Variants in ZCCHC8 observed in about 807,000 individuals in gnomAD.
ZCCHC8 encodes zinc finger CCHC-type containing 8.
ZCCHC8 carries 27 observed loss-of-function variants against 70.6 expected under a neutral mutation model. The observed-to-expected ratio is 0.38, with a 90% CI of 0.28 to 0.53. The LOEUF (loss-of-function observed/expected upper bound fraction) is 0.53. ZCCHC8 is among the 20% of genes least tolerant of loss of function. ZCCHC8 has a pLI of 0.81. For missense variants in ZCCHC8, 737 were observed against 876.9 expected, an observed-to-expected ratio of 0.84 and a Z score of 2.01; for synonymous variants, 293 against 317.4, an observed-to-expected ratio of 0.92 and a Z score of 0.82.
intron 7 of ZCCHC8, 44 bp from the exon 8 acceptor site, chr12:122,482,739 T>C (rs569232421): frequency 2.6e-6 from 4 of 1,534,166 alleles, no homozygotes; most frequent in Middle Eastern, 4.0e-4. Flanking sequence ...TCAATAAAAA[T>C]AGAAAAGCAA....
rs189349993 is a variant in ZCCHC8, at chr12:122,498,180, C to T, written c.242+647G>A. On this transcript the variant is annotated intron_variant, in intron 2 of 13. Transcript: ENST00000633063. ...AATCTTTTTTTTTTTTTTTTTCAGA[C>T]GGAGTTTCGCTCTTGTCACTCTCAG... Among the ~76,000 whole-genome samples the T allele has an allele frequency of 7.9e-5, 9 of 114,446 alleles. 1 individual carries two copies. In the South Asian group the frequency reaches 1.6e-3, roughly 21 times the overall value. The allele number at this position is 114,446 out of a possible 152,430, so 75.1% of individuals were successfully genotyped here.
intron 11 of ZCCHC8, chr12:122,478,528 AG>A (rs1566288001): frequency 6.9e-6 from 3 of 437,542 alleles, no homozygotes; most frequent in African/African-American, 4.0e-5. Flanking sequence ...TGGCCAAAAA[AG>A]GTTCTACATA....
At chr12:122,496,145 C>T (rs997985729) in intron 2 of ZCCHC8, among the ~76,000 whole-genome samples, 5 of 147,122 alleles carry the variant, frequency 3.4e-5, no homozygotes, top group African/African-American at 5.1e-5. Context: ...CCAGCCTAGA[C>T]GACAGAGTGA....
chr12:122,492,871 C>CT (rs376342503), intron 2 of ZCCHC8, 82 bp from the exon 3 acceptor site: 585 of 974,072 alleles, frequency 6.0e-4, no homozygotes, highest in Non-Finnish European at 7.1e-4. Context: ...AACTTTTATA[C>CT]TTTTTTTTTC....
intron 13 of ZCCHC8, among the ~76,000 whole-genome samples, 178 bp from the exon 14 acceptor site, chr12:122,474,453 C>T (rs1172316002): frequency 2.0e-5 from 3 of 152,192 alleles, no homozygotes; most frequent in Non-Finnish European, 4.4e-5. Flanking sequence ...CTCAGTCCAC[C>T]TGAAAAGATC....
intron 3 of ZCCHC8, among the ~76,000 whole-genome samples, chr12:122,491,326 C>T (rs191608624): frequency 2.6e-5 from 4 of 152,120 alleles, no homozygotes; most frequent in Admixed American, 6.5e-5. Flanking sequence ...GTCAGGAGTT[C>T]GAGACCAGCC....
At chr12:122,485,666 G>A (rs530820863) in intron 5 of ZCCHC8, among the ~76,000 whole-genome samples, 12 of 150,592 alleles carry the variant, frequency 8.0e-5, no homozygotes, top group East Asian at 2.0e-4. Flanking sequence ...AAAATATGAC[G>A]ACATCCTTTT....
At position 122,481,935 on chromosome 12, in the gene ZCCHC8, C is replaced by A; in HGVS notation, c.875+10G>T. The A allele has an allele frequency of 6.2e-7, 1 of 1,608,728 alleles. No individual in the cohort carries two copies. The highest frequency in any genetic ancestry group is 8.5e-7 in the Non-Finnish European group (1 of 1,177,942). The stretch of plus-strand genomic sequence containing the variant: ...AAAAATGACCTTCTATGGTAAAATG[C>A]CATTAGTACCTAATAACTCCTGGCT... On this transcript the variant is annotated intron_variant, in intron 9 of 13. Transcript: ENST00000633063.
rs768621947 is a variant in ZCCHC8, at chr12:122,483,527, G to C, written c.538C>G (p.Leu180Val). The C allele has an allele frequency of 3.8e-6, 6 of 1,591,486 alleles. No individual in the cohort carries two copies. Among genetic ancestry groups the C allele is most frequent in the Non-Finnish European group, 5.1e-6 (6 of 1,167,662 alleles). ...GSVLYFTNFC[L>V]DKLGQPLLNE... is the part of the protein sequence containing the mutation. ...AGAAGCGGTTGCCCCAATTTATCAA[G>C]GCAAAAATTAGTAAAATACAGGACA... Residue 180 changes from leucine (L) to valine (V), a missense_variant, in exon 6 of 14, where the codon CTT (leucine) becomes GTT (valine). Physicochemically the swap from Leu to Val is conservative, Grantham distance 32. Coordinates refer to ENST00000633063, the MANE Select transcript of ZCCHC8 (RefSeq NM_017612.5). This position sits in a 1 kb window ranked among gnomAD's most constrained non-coding sequence, Gnocchi z 4.4.
At chr12:122,498,097 T>C (rs530228779) in intron 2 of ZCCHC8, among the ~76,000 whole-genome samples, 1 of 152,236 alleles carries the variant, frequency 6.6e-6, no homozygotes, top group Non-Finnish European at 1.5e-5. Context: ...TCTTTCATTG[T>C]TCTATTTATG....
rs1195801571 is a variant in ZCCHC8 at position 122,490,341 on chromosome 12, AAGG to A, written c.423+118_423+120del. 2.6e-5 allele frequency: 20 copies of A among 772,542 alleles called. No individual in the cohort carries two copies. In the Admixed American group the frequency reaches 2.8e-4, roughly 11 times the overall value. 47.9% of individuals were successfully genotyped at this position (772,542 alleles called of 1,614,324 possible). A position where few individuals can be genotyped will look rare whatever the true frequency, so the allele number is the denominator to read the frequency against. ...AGGCTTCGGAAAAGCAAGCCAGTAG[AAGG>A]AGAAGTGGTAAACGGTGTTAATCAT... On this transcript the variant is annotated intron_variant, in intron 4 of 13. Transcript: ENST00000633063.
At chr12:122,485,862 G>A (rs2137346356) in intron 5 of ZCCHC8, among the ~76,000 whole-genome samples, 1 of 152,026 alleles carries the variant, frequency 6.6e-6, no homozygotes, top group East Asian at 1.9e-4. Context: ...ATTCTTACTG[G>A]CACTCGGGCC....
intron 5 of ZCCHC8, among the ~76,000 whole-genome samples, chr12:122,486,934 C>T (rs1270935595): frequency 6.6e-6 from 1 of 152,200 alleles, no homozygotes; most frequent in Non-Finnish European, 1.5e-5. Flanking sequence ...AGTTACTTAG[C>T]TTTCCACCTG....
At chr12:122,490,700 GT>G (rs11318334) in intron 3 of ZCCHC8, 133 bp from the exon 4 acceptor site, 289,914 of 543,550 alleles carry the variant, frequency 0.53, 79,037 homozygotes, top group Middle Eastern at 0.56. Flanking sequence ...CACTGACTCT[GT>G]AATACTCAGG....
chr12:122,498,030 A>G (rs1269231147), intron 2 of ZCCHC8, among the ~76,000 whole-genome samples: 2 of 150,434 alleles, frequency 1.3e-5, no homozygotes, highest in Admixed American at 1.3e-4. Flanking sequence ...CCTAAATGCA[A>G]ATCTACACAC....
intron 5 of ZCCHC8, among the ~76,000 whole-genome samples, chr12:122,487,990 T>G (rs1957673138): frequency 1.3e-5 from 2 of 151,628 alleles, no homozygotes; most frequent in Non-Finnish European, 2.9e-5. Flanking sequence ...CACTTCAGCC[T>G]CCTGAGTAGC....
Position 122,473,479 on chromosome 12 carries a change from C to A in ZCCHC8, c.*18G>T. On this transcript the variant is annotated 3_prime_UTR_variant, in exon 14 of 14. Transcript: ENST00000633063. The stretch of plus-strand genomic sequence containing the variant: ...CGGAACAAAGTTATTAAATAGCTCT[C>A]AGTGCTAAGTCAAGCCATTATTCAG... 1 of 1,605,814 alleles carries A rather than the reference C, an allele frequency of 6.2e-7. No homozygotes were observed.
In ZCCHC8 at chr12:122,478,206, C is replaced by A; in HGVS notation, c.1227G>T (p.Ala409=). ...FANYLTSNFQ[A]PGVKSGNKRS... Reference sequence around the variant, plus strand: ...GAGCACACCCTTAAAATCTATTTACCGCTTGGAAGTTAGAAGTAAGGTAAT... The same window carrying A: ...GAGCACACCCTTAAAATCTATTTACAGCTTGGAAGTTAGAAGTAAGGTAAT... The change falls in exon 12 of 14, where the codon GCG becomes GCT. Residue 409 remains alanine (A), a splice_region_variant and synonymous_variant. Coordinates refer to ENST00000633063, the MANE Select transcript of ZCCHC8 (RefSeq NM_017612.5). 3.1e-6 allele frequency: 5 copies of A among 1,588,926 alleles called. No homozygotes were observed. Among genetic ancestry groups the A allele is most frequent in the Non-Finnish European group, 4.3e-6 (5 of 1,166,030 alleles).
In ZCCHC8 at chr12:122,474,230, A is replaced by G. The variant is rs1473393269; in HGVS notation, c.1391T>C (p.Phe464Ser). Residue 464 changes from phenylalanine to serine, a missense_variant, in exon 14 of 14, where the codon TTT (phenylalanine) becomes TCT (serine). Physicochemically the swap from Phe to Ser is radical, Grantham distance 155 (BLOSUM62 -2). Transcript: ENST00000633063. ...HGSQSSESFQ[F>S]QPPLPPDTPP... ...AGTGTCAGGAGGTAATGGTGGTTGA[A>G]ACTGAAAACTTTCGCTGCTCTGAGA... 1 of 1,481,372 alleles carries G rather than the reference A, an allele frequency of 6.8e-7. No homozygotes were observed. The highest frequency in any genetic ancestry group is 2.4e-5 in the East Asian group (1 of 40,946). 91.8% of individuals were successfully genotyped at this position (1,481,372 alleles called of 1,614,324 possible). A position where few individuals can be genotyped will look rare whatever the true frequency, so the allele number is the denominator to read the frequency against.
Sources: gnomAD v4.1 joint callset for allele counts (sites outside exome capture counted in the v4.1 genomes callset) on GRCh38, gnomAD v4.1.1 for gene constraint, Gnocchi (gnomAD v3.1) non-coding constraint, MANE v1.5 for transcripts, NCBI Gene and HGNC (gene_info 2026-07-23, HGNC 2026-07-21) for gene names.